MAP2K1: variants seen among roughly 807,000 people sequenced by gnomAD.
The protein encoded by MAP2K1 is dual specificity mitogen-activated protein kinase kinase 1.
In MAP2K1, 16 loss-of-function variants were observed where a neutral mutation model predicts 46.3. The ratio of observed to expected loss-of-function variants is 0.35; its 90% CI spans 0.23 to 0.52. MAP2K1 has a LOEUF of 0.52. Among genes scored for constraint, MAP2K1 ranks in the 20% least tolerant of loss-of-function variants. The probability of loss-of-function intolerance (pLI) is 0.94; values close to 1 mark genes in which losing one functional copy is unlikely to be tolerated. For synonymous variants in MAP2K1, 183 were observed against 185.6 expected, an observed-to-expected ratio of 0.99 and a Z score of 0.11; for missense variants, 263 against 497.1, an observed-to-expected ratio of 0.53 and a Z score of 4.48.
chr15:66,402,032 G>C, intron 1 of MAP2K1: 1 of 1,311,878 alleles, frequency 7.6e-7, no homozygotes, highest in Non-Finnish European at 1.0e-6. Context: ...TCATTTTAAA[G>C]TATTTCTGAG....
chr15:66,402,093 A>G (rs16949879), intron 1 of MAP2K1: 287,052 of 865,888 alleles, frequency 0.33, 50,444 homozygotes, highest in Admixed American at 0.43. Context: ...TGTGGTTACT[A>G]CATTGTTCCA....
intron 6 of MAP2K1, 39 bp downstream of exon 6, chr15:66,481,918 G>A (rs778015750): frequency 1.2e-5 from 19 of 1,606,016 alleles, no homozygotes; most frequent in Admixed American, 3.4e-5. Context: ...CTTCTTGTAC[G>A]GTCAGGGAGA....
intron 8 of MAP2K1, chr15:66,488,898 C>A: frequency 2.3e-6 from 1 of 439,566 alleles, no homozygotes; most frequent in Non-Finnish European, 4.2e-6. Flanking sequence ...CCAACCTCTT[C>A]ATGTCATAGA....
At chr15:66,429,186 G>T (rs1289969813) in intron 1 of MAP2K1, among the ~76,000 whole-genome samples, 3 of 152,132 alleles carry the variant, frequency 2.0e-5, no homozygotes, top group Non-Finnish European at 4.4e-5. Flanking sequence ...AGGTTTAATT[G>T]AATTACGGTT....
At chr15:66,399,243 GTTTTAC>G (rs1361809344) in intron 1 of MAP2K1, among the ~76,000 whole-genome samples, 4 of 152,092 alleles carry the variant, frequency 2.6e-5, no homozygotes, top group African/African-American at 9.7e-5. Flanking sequence ...TTTAGTTAGA[GTTTTAC>G]TTTTATTCTT....
At chr15:66,478,413 T>C (rs1354754581) in intron 5 of MAP2K1, among the ~76,000 whole-genome samples, 51 of 124,414 alleles carry the variant, frequency 4.1e-4, no homozygotes, top group African/African-American at 5.7e-4. Flanking sequence ...TATATATATA[T>C]ACACACAGGT....
intron 1 of MAP2K1, among the ~76,000 whole-genome samples, chr15:66,406,920 T>C (rs2093398638): frequency 6.6e-6 from 1 of 151,906 alleles, no homozygotes. Context: ...TAATCCCAGC[T>C]ACTTGGGAGG....
intron 5 of MAP2K1, chr15:66,453,492 C>A: frequency 1.4e-6 from 1 of 702,292 alleles, no homozygotes; most frequent in Non-Finnish European, 2.6e-6. Flanking sequence ...ACTGTAAGGC[C>A]TGGACTATGG....
intron 1 of MAP2K1, among the ~76,000 whole-genome samples, chr15:66,398,775 T>G (rs2093374231): frequency 1.2e-5 from 1 of 80,582 alleles, no homozygotes; most frequent in African/African-American, 3.6e-5. Flanking sequence ...CTAATTTTTT[T>G]TTTTTCTTTT....
At chr15:66,408,600 G>A (rs1228242266) in intron 1 of MAP2K1, among the ~76,000 whole-genome samples, 2 of 152,072 alleles carry the variant, frequency 1.3e-5, no homozygotes, top group Non-Finnish European at 2.9e-5. Flanking sequence ...ATTTGGGATG[G>A]GTAGTCACTG....
chr15:66,414,831 A>T, intron 1 of MAP2K1: 3 of 207,050 alleles, frequency 1.4e-5, no homozygotes, highest in Non-Finnish European at 2.9e-5. Context: ...GTTAATTCCC[A>T]TTAGGATATG....
intron 1 of MAP2K1, among the ~76,000 whole-genome samples, chr15:66,422,245 G>A (rs1015955520): frequency 2.0e-5 from 3 of 152,060 alleles, no homozygotes; most frequent in Non-Finnish European, 4.4e-5. Flanking sequence ...TTCCCCCATA[G>A]GTAATACAAT....
intron 1 of MAP2K1, among the ~76,000 whole-genome samples, chr15:66,403,872 C>G (rs191129863): frequency 2.7e-4 from 41 of 152,178 alleles, no homozygotes; most frequent in Non-Finnish European, 4.0e-4. Context: ...TCATACCACC[C>G]TTTAGTAAAC....
chr15:66,485,302 G>C, intron 7 of MAP2K1, 111 bp downstream of exon 7: 2 of 1,075,792 alleles, frequency 1.9e-6, no homozygotes, highest in Admixed American at 5.0e-5. Flanking sequence ...CTGATTCTCT[G>C]TCCCTGGATG....
At position 66,387,039 on chromosome 15, in the gene MAP2K1, G is replaced by A. The variant is rs932165060; in HGVS notation, c.-309G>A. The A allele has an allele frequency of 2.9e-6, 1 of 347,598 alleles. No individual in the cohort carries two copies. Among genetic ancestry groups the A allele is most frequent in the Non-Finnish European group, 5.1e-6 (1 of 194,348 alleles). 21.5% of individuals were successfully genotyped at this position (347,598 alleles called of 1,614,324 possible). On this transcript the variant is annotated 5_prime_UTR_variant, in exon 1 of 11. Coordinates refer to ENST00000307102, the MANE Select transcript of MAP2K1 (RefSeq NM_002755.4). ...CCGCCCGAGCCGGAGGGACTGGTTG[G>A]TTGAGAGAGAGAGAGGAAGGGAATC...
At chr15:66,467,127 G>C (rs565311502) in intron 5 of MAP2K1, among the ~76,000 whole-genome samples, 1 of 152,168 alleles carries the variant, frequency 6.6e-6, no homozygotes, top group East Asian at 1.9e-4. Flanking sequence ...CCAGTTACTC[G>C]AGAGGCTGAG....
chr15:66,457,848 A>G (rs1370480298), intron 5 of MAP2K1, among the ~76,000 whole-genome samples: 1 of 152,010 alleles, frequency 6.6e-6, no homozygotes, highest in African/African-American at 2.4e-5. Flanking sequence ...CTGTAATCCC[A>G]GCTACTCAGG....
At chr15:66,427,830 A>G (rs1012042105) in intron 1 of MAP2K1, among the ~76,000 whole-genome samples, 2 of 151,616 alleles carry the variant, frequency 1.3e-5, no homozygotes, top group South Asian at 2.1e-4. Flanking sequence ...CCTGGCCAAC[A>G]TGGTGAAACC....
Position 66,467,094 on chromosome 15 carries a change from G to A in MAP2K1, c.569-14661G>A, listed in dbSNP as rs141892521. ...TACAAAAATACAAGAAATTAGTCTG[G>A]GTGGTGATGAGCACCTGTAATCCCA... On this transcript the variant is annotated intron_variant, in intron 5 of 10. Coordinates refer to ENST00000307102, the MANE Select transcript of MAP2K1 (RefSeq NM_002755.4). Among the ~76,000 whole-genome samples, 216 of 152,158 alleles carry A rather than the reference G, an allele frequency of 1.4e-3. 1 individual carries two copies. Among genetic ancestry groups the A allele is most frequent in the Middle Eastern group, 6.8e-3 (2 of 292 alleles).
Sources: gnomAD v4.1 joint callset for allele counts (sites outside exome capture counted in the v4.1 genomes callset) on GRCh38, gnomAD v4.1.1 for gene constraint, MANE v1.5 for transcripts, NCBI Gene and HGNC (gene_info 2026-07-23, HGNC 2026-07-21) for gene names.